Variants in CELF2 observed in about 807,000 individuals in gnomAD.
CELF2 encodes the protein CUGBP Elav-like family member 2.
In CELF2, 8 loss-of-function variants were observed where a neutral mutation model predicts 62.6. The observed-to-expected ratio is 0.13, with a 90% CI of 0.07 to 0.23. The LOEUF is 0.23. CELF2 is among the 10% of genes least tolerant of loss of function. The pLI, the probability that CELF2 is intolerant of heterozygous loss-of-function variation, is 1.00. For synonymous variants in CELF2, 258 were observed against 250.0 expected (o/e 1.03, Z -0.30); for missense variants, 333 against 671.0 (o/e 0.50, Z 5.56).
chr10:11,071,099 AT>A (rs2069822139), intron 1 of CELF2, among the ~76,000 whole-genome samples: 1 of 152,200 alleles, frequency 6.6e-6, no homozygotes, highest in Admixed American at 6.5e-5. Context: ...AATCTTGTTT[AT>A]GTTTTATTTA....
rs186430359 is a variant in CELF2 at position 10,997,763 on chromosome 10, C to T, written c.89+77764C>T. Among the ~76,000 whole-genome samples the T allele has an allele frequency of 2.0e-4, 31 of 152,308 alleles. No homozygotes were observed. The highest frequency in any genetic ancestry group is 3.4e-3 in the Middle Eastern group (1 of 294). ...TTGACAAAGAAAAGAACCTCCCTCA[C>T]GGGCCCCGTAGTCGCTCACTTGTAG... is the stretch of plus-strand genomic sequence containing the variant. On this transcript the variant is annotated intron_variant, in intron 2 of 13. Coordinates refer to the CELF2 transcript ENST00000636488. This position sits in a 1 kb window ranked among gnomAD's most constrained non-coding sequence, Gnocchi z 5.3.
chr10:10,664,746 G>A, the CELF2 span, among the ~76,000 whole-genome samples: 7 of 152,176 alleles, frequency 4.6e-5, no homozygotes, highest in African/African-American at 1.7e-4. Context: ...CGTTACGGTA[G>A]TAGCCCCAGT....
chr10:10,757,550 G>A, the CELF2 span, among the ~76,000 whole-genome samples: 657 of 152,298 alleles, frequency 4.3e-3, 4 homozygotes, highest in Non-Finnish European at 6.8e-3. Flanking sequence ...ATGTATGTAT[G>A]TATACAATCT....
the CELF2 span, among the ~76,000 whole-genome samples, chr10:10,787,438 A>G: frequency 6.6e-6 from 1 of 152,220 alleles, no homozygotes; most frequent in African/African-American, 2.4e-5. Context: ...AGAAAAAAAC[A>G]ACAGCTGGTT....
At chr10:10,979,747 C>G (rs899049076) in intron 2 of CELF2, among the ~76,000 whole-genome samples, 1 of 150,618 alleles carries the variant, frequency 6.6e-6, no homozygotes, top group Non-Finnish European at 1.5e-5. Flanking sequence ...ATCTAAGGAG[C>G]GAATCAAAGT....
intron 1 of CELF2, among the ~76,000 whole-genome samples, chr10:11,081,299 G>T (rs767368649): frequency 1.3e-5 from 2 of 152,294 alleles, no homozygotes; most frequent in Non-Finnish European, 2.9e-5. Context: ...AGCAGCCTAG[G>T]GGGAGGAAGA....
intron 8 of CELF2, among the ~76,000 whole-genome samples, chr10:11,282,094 T>C (rs750199733): frequency 6.6e-6 from 1 of 152,168 alleles, no homozygotes; most frequent in Non-Finnish European, 1.5e-5. Flanking sequence ...CCCTGTCACA[T>C]TGCCTTTCGA....
intron 1 of CELF2, among the ~76,000 whole-genome samples, chr10:11,081,272 A>C (rs922835814): frequency 6.6e-6 from 1 of 152,200 alleles, no homozygotes; most frequent in Non-Finnish European, 1.5e-5. Flanking sequence ...TCTATTACCC[A>C]GGTTGGCAAA....
intron 1 of CELF2, among the ~76,000 whole-genome samples, chr10:11,150,216 T>C (rs1029970959): frequency 1.3e-5 from 2 of 152,220 alleles, no homozygotes; most frequent in Admixed American, 1.3e-4. Context: ...CTTTGTGATT[T>C]TCAAAGAAAA....
chr10:11,076,199 C>T (rs139849477), intron 1 of CELF2, among the ~76,000 whole-genome samples: 6 of 152,038 alleles, frequency 3.9e-5, no homozygotes, highest in Non-Finnish European at 7.4e-5. Flanking sequence ...GGTGGACAGA[C>T]GCCAAGCTTA....
chr10:10,649,489 G>A, the CELF2 span, among the ~76,000 whole-genome samples: 196 of 152,218 alleles, frequency 1.3e-3, 1 homozygote, highest in African/African-American at 4.4e-3. Flanking sequence ...CCCAAAACTC[G>A]TGTTATATGT....
intron 2 of CELF2, chr10:10,935,406 A>T (rs1439130666): frequency 6.6e-6 from 1 of 152,214 alleles, no homozygotes; most frequent in Non-Finnish European, 1.5e-5. Flanking sequence ...GTCCTAAATT[A>T]AAAATTCCTA....
In CELF2 at chr10:10,880,077, C is replaced by T. The variant is rs181677625; in HGVS notation, c.54-39887C>T. Among the ~76,000 whole-genome samples, 494 of 152,268 alleles carry T rather than the reference C, an allele frequency of 3.2e-3. 4 individuals carry two copies. Among genetic ancestry groups the T allele is most frequent in the African/African-American group, 0.011 (473 of 41,556 alleles). ...AATGGGAATCAGGAAGGGTAAGAAACGGTTCCTCTCTTCAAGGAGCATAAA... is the reference window on the plus strand; with the variant it reads ...AATGGGAATCAGGAAGGGTAAGAAATGGTTCCTCTCTTCAAGGAGCATAAA... On this transcript the variant is annotated intron_variant, in intron 1 of 13. Coordinates refer to the CELF2 transcript ENST00000636488.
chr10:10,932,586 G>A (rs1230041489), intron 2 of CELF2, among the ~76,000 whole-genome samples: 1 of 152,014 alleles, frequency 6.6e-6, no homozygotes, highest in Non-Finnish European at 1.5e-5. Flanking sequence ...AGAACCAAAT[G>A]GTTCAAAAGT....
chr10:11,074,305 G>A (rs2141101634), intron 1 of CELF2, among the ~76,000 whole-genome samples: 1 of 152,258 alleles, frequency 6.6e-6, no homozygotes, highest in South Asian at 2.1e-4. Flanking sequence ...CGTAAAGATT[G>A]GGAATGACTG....
At chr10:11,120,168 C>T (rs1299770555) in intron 1 of CELF2, among the ~76,000 whole-genome samples, 2 of 152,090 alleles carry the variant, frequency 1.3e-5, no homozygotes, top group African/African-American at 4.8e-5. Context: ...GGGATACTGT[C>T]TTCAGAGTTC....
At chr10:11,123,921 C>T (rs143366643) in intron 1 of CELF2, among the ~76,000 whole-genome samples, 1 of 152,108 alleles carries the variant, frequency 6.6e-6, no homozygotes, top group Non-Finnish European at 1.5e-5. Context: ...ATACCCAAGA[C>T]TGGGTAATTT....
the CELF2 span, among the ~76,000 whole-genome samples, chr10:10,773,550 G>A: frequency 5.9e-5 from 9 of 152,158 alleles, no homozygotes; most frequent in Admixed American, 5.2e-4. Context: ...ATATAAGACT[G>A]ACTATTTGAC....
the CELF2 span, among the ~76,000 whole-genome samples, chr10:10,767,296 T>C: frequency 1.3e-5 from 2 of 151,980 alleles, no homozygotes; most frequent in African/African-American, 2.4e-5. Flanking sequence ...CCAAAGTCGA[T>C]GACAGGGTAG....
Sources: allele counts gnomAD v4.1 joint callset (sites outside exome capture counted in the v4.1 genomes callset), GRCh38; gene constraint gnomAD v4.1.1; non-coding constraint Gnocchi (gnomAD v3.1); transcripts MANE v1.5; gene names NCBI Gene and HGNC (gene_info 2026-07-23, HGNC 2026-07-21).